FXYD1: variants seen among roughly 807,000 people sequenced by gnomAD.
FXYD1 encodes the protein FXYD domain containing ion transport regulator 1, also known as phospholemman.
A neutral mutation model predicts 17.2 loss-of-function variants in FXYD1; 9 were observed. The observed-to-expected ratio is 0.52, with a 90% CI of 0.32 to 0.91. FXYD1 has a LOEUF of 0.91. Ranked by LOEUF, FXYD1 falls within the 40% of genes least tolerant of loss-of-function variation. The probability of loss-of-function intolerance (pLI) is 0.04; values close to 1 mark genes in which losing one functional copy is unlikely to be tolerated. For missense variants in FXYD1, 113 were observed against 120.6 expected, an observed-to-expected ratio of 0.94 and a Z score of 0.29; for synonymous variants, 55 against 45.8, an observed-to-expected ratio of 1.20 and a Z score of -0.81.
Position 35,140,500 on chromosome 19 carries a change from C to A in FXYD1, c.62-97C>A, listed in dbSNP as rs2065241498. 5 of 1,138,512 alleles carry A rather than the reference C, an allele frequency of 4.4e-6. No individual in the cohort carries two copies. The Admixed American group carries it at 6.9e-5, about 16-fold the overall frequency. 70.5% of individuals were successfully genotyped at this position (1,138,512 alleles called of 1,614,324 possible). On this transcript the variant is annotated intron_variant, in intron 2 of 7. Coordinates refer to ENST00000351325, the MANE Select transcript of FXYD1 (RefSeq NM_021902.4). ...CAGCCTGCCCAGACACCCTCAGACT[C>A]TAAGCCCAGCAAGGCAGAGCCTCCA...
chr19:35,142,823 C>T, intron 7 of FXYD1, 52 bp downstream of exon 7: 2 of 1,410,454 alleles, frequency 1.4e-6, no homozygotes, highest in South Asian at 2.4e-5. Context: ...GAAGGAAAGG[C>T]GGGAGAGGGA....
intron 5 of FXYD1, among the ~76,000 whole-genome samples, 189 bp downstream of exon 5, chr19:35,141,761 G>A (rs537241693): frequency 3.9e-5 from 6 of 152,074 alleles, no homozygotes; most frequent in Non-Finnish European, 8.8e-5. Context: ...CTTCCTGGCC[G>A]AGCTCCCAGC....
At chr19:35,139,723 C>G (rs975929128) in intron 1 of FXYD1, 1 of 268,408 alleles carries the variant, frequency 3.7e-6, no homozygotes, top group Non-Finnish European at 7.3e-6. Flanking sequence ...CTGCTGTCTC[C>G]TGCTCTGTGT....
chr19:35,142,570 G>T, intron 6 of FXYD1, 49 bp downstream of exon 6: 1 of 1,585,852 alleles, frequency 6.3e-7, no homozygotes, highest in Admixed American at 1.7e-5. Flanking sequence ...CTGGTTCCAA[G>T]GACCGCTTTT....
At chr19:35,138,181 G>C (rs1229764672), upstream of FXYD1, 4 of 152,344 alleles carry the variant, frequency 2.6e-5, no homozygotes, top group East Asian at 7.7e-4. Flanking sequence ...AAAAGGTGTT[G>C]GCTGTGTGTC....
rs928578914 is a variant in FXYD1, at chr19:35,143,108, C to T, written c.*221C>T. On this transcript the variant is annotated 3_prime_UTR_variant, in exon 8 of 8. Coordinates refer to ENST00000351325, the MANE Select transcript of FXYD1 (RefSeq NM_021902.4). This position sits in a 1 kb window ranked among gnomAD's most constrained non-coding sequence, Gnocchi z 4.3. ...AAACGCCAGCGCCACTGGGCCCCAGCAGGGGGCGCCCCACCCTAGAGGAAG... is the reference window on the plus strand; with the variant it reads ...AAACGCCAGCGCCACTGGGCCCCAGTAGGGGGCGCCCCACCCTAGAGGAAG... The T allele has an allele frequency of 1.4e-5, 8 of 554,808 alleles. No homozygotes were observed. The highest frequency in any genetic ancestry group is 6.5e-5 in the South Asian group (3 of 45,858). The allele number at this position is 554,808 out of a possible 1,614,324, so 34.4% of individuals were successfully genotyped here. A position where few individuals can be genotyped will look rare whatever the true frequency, so the allele number is the denominator to read the frequency against.
chr19:35,141,415 C>T, intron 4 of FXYD1, 121 bp from the exon 5 acceptor site: 1 of 833,508 alleles, frequency 1.2e-6, no homozygotes, highest in Non-Finnish European at 2.0e-6. Flanking sequence ...CCCCCGGTCT[C>T]GCCTCTAGCC....
rs928578914 is a variant in FXYD1, at chr19:35,143,108, C to G, written c.*221C>G. ...AAACGCCAGCGCCACTGGGCCCCAG[C>G]AGGGGGCGCCCCACCCTAGAGGAAG... On this transcript the variant is annotated 3_prime_UTR_variant, in exon 8 of 8. Coordinates refer to ENST00000351325, the MANE Select transcript of FXYD1 (RefSeq NM_021902.4). This position sits in a 1 kb window ranked among gnomAD's most constrained non-coding sequence, Gnocchi z 4.3. 1.8e-6 allele frequency: 1 copy of G among 554,806 alleles called. No homozygotes were observed. The highest frequency in any genetic ancestry group is 2.0e-5 in the African/African-American group (1 of 49,616). 34.4% of individuals were successfully genotyped at this position (554,806 alleles called of 1,614,324 possible).
At position 35,143,072 on chromosome 19, in the gene FXYD1, C is replaced by A; in HGVS notation, c.*185C>A. 1.8e-6 allele frequency: 1 copy of A among 546,348 alleles called. No homozygotes were observed. The highest frequency in any genetic ancestry group is 3.2e-6 in the Non-Finnish European group (1 of 311,278). The allele number at this position is 546,348 out of a possible 1,614,324, so 33.8% of individuals were successfully genotyped here. On this transcript the variant is annotated 3_prime_UTR_variant, in exon 8 of 8. Coordinates refer to ENST00000351325, the MANE Select transcript of FXYD1 (RefSeq NM_021902.4). This position sits in a 1 kb window ranked among gnomAD's most constrained non-coding sequence, Gnocchi z 4.3. ...TCGACAGCACTTTGTCGGTCTCGGT[C>A]CCTCAGCGCGAAACGCCAGCGCCAC...
intron 4 of FXYD1, 134 bp downstream of exon 4, chr19:35,141,340 C>T (rs2065252387): frequency 1.4e-5 from 9 of 628,006 alleles, no homozygotes; most frequent in Non-Finnish European, 2.2e-5. Flanking sequence ...CCCGCCCCTC[C>T]CTGGCCCCGC....
At chr19:35,138,046 T>C (rs562220767), upstream of FXYD1, 4 of 152,346 alleles carry the variant, frequency 2.6e-5, no homozygotes, top group South Asian at 8.3e-4. Flanking sequence ...GTGGCCAGTT[T>C]GTGAGTGTAG....
intron 1 of FXYD1, chr19:35,139,261 CTGTGTGTGTG>C (rs56256016): frequency 8.2e-5 from 12 of 146,416 alleles, no homozygotes; most frequent in South Asian, 6.8e-4. Context: ...TCCGGCCCCA[CTGTGTGTGTG>C]TGTGTGTGTG....
At chr19:35,138,367 TG>T (rs1040934913), upstream of FXYD1, 1 of 151,552 alleles carries the variant, frequency 6.6e-6, no homozygotes, top group Non-Finnish European at 1.5e-5. Flanking sequence ...ATAGCGCACA[TG>T]CGCGCGCACA....
intron 2 of FXYD1, 113 bp downstream of exon 2, chr19:35,140,253 A>T (rs2065239423): frequency 1.4e-6 from 1 of 728,740 alleles, no homozygotes; most frequent in Admixed American, 1.9e-5. Flanking sequence ...GGTACCAAGA[A>T]GTTTGGGGGT....
chr19:35,143,060 GT>G lies in FXYD1; in HGVS notation c.*174del. 1 of 531,384 alleles carries G rather than the reference GT, an allele frequency of 1.9e-6. No homozygotes were observed. The highest frequency in any genetic ancestry group is 3.6e-5 in the Admixed American group (1 of 27,500). The allele number at this position is 531,384 out of a possible 1,614,324, so 32.9% of individuals were successfully genotyped here. Reference sequence around the variant, plus strand: ...CGTGCGTTCCTCTCGACAGCACTTTGTCGGTCTCGGTCCCTCAGCGCGAAAC... The same window carrying G: ...CGTGCGTTCCTCTCGACAGCACTTTGCGGTCTCGGTCCCTCAGCGCGAAAC... On this transcript the variant is annotated 3_prime_UTR_variant, in exon 8 of 8. Coordinates refer to ENST00000351325, the MANE Select transcript of FXYD1 (RefSeq NM_021902.4). This position sits in a 1 kb window ranked among gnomAD's most constrained non-coding sequence, Gnocchi z 4.3.
rs781505300 is a variant in FXYD1, at chr19:35,141,495, G to A, written c.170-41G>A. On this transcript the variant is annotated intron_variant, in intron 4 of 7. Transcript: ENST00000351325. ...GCTACAGCGCCGCTTGGCGCCCGCC[G>A]GGAGGGAGCCTCAGCTTCTCCTACC... is the stretch of plus-strand genomic sequence containing the variant. The A allele has an allele frequency of 7.0e-6, 11 of 1,566,844 alleles. 1 individual carries two copies. The African/African-American group carries it at 1.1e-4, about 16-fold the overall frequency.
Position 35,142,642 on chromosome 19 carries a change from G to A in FXYD1, c.257-78G>A, listed in dbSNP as rs1435964403. ...ATCTGAAAGCGGAGGGCGGGGAGTTGCCCCGCCGCGGGCCCCACCTGCCCA... is the reference window on the plus strand; with the variant it reads ...ATCTGAAAGCGGAGGGCGGGGAGTTACCCCGCCGCGGGCCCCACCTGCCCA... On this transcript the variant is annotated intron_variant, in intron 6 of 7. Transcript: ENST00000351325. 3 of 1,536,664 alleles carry A rather than the reference G, an allele frequency of 2.0e-6. No homozygotes were observed. In the Admixed American group the frequency reaches 5.1e-5, roughly 26 times the overall value.
chr19:35,141,589 C>A lies in FXYD1; in HGVS notation c.206+17C>A, dbSNP rs374816867. ...GCAGCAGAGGTAAGACGCCCCTCCC[C>A]GCCCTCCTTCGCCCGCTCCTGCTCT... On this transcript the variant is annotated intron_variant, in intron 5 of 7. Coordinates refer to ENST00000351325, the MANE Select transcript of FXYD1 (RefSeq NM_021902.4). 196 of 1,600,618 alleles carry A rather than the reference C, an allele frequency of 1.2e-4. 2 individuals carry two copies. The African/African-American group carries it at 2.2e-3, about 18-fold the overall frequency.
At chr19:35,140,297 G>T (rs936564023) in intron 2 of FXYD1, among the ~76,000 whole-genome samples, 157 bp downstream of exon 2, 4 of 152,134 alleles carry the variant, frequency 2.6e-5, no homozygotes, top group Admixed American at 2.6e-4. Context: ...GCTGGTATTT[G>T]GGGGAGGGGA....
Sources: gnomAD v4.1 joint callset for allele counts (sites outside exome capture counted in the v4.1 genomes callset) on GRCh38, gnomAD v4.1.1 for gene constraint, Gnocchi (gnomAD v3.1) non-coding constraint, MANE v1.5 for transcripts, NCBI Gene and HGNC (gene_info 2026-07-23, HGNC 2026-07-21) for gene names.